FER1L6: variants seen among roughly 807,000 people sequenced by gnomAD.
FER1L6 encodes fer-1-like protein 6.
FER1L6 carries 177 observed loss-of-function variants against 219.2 expected under a neutral mutation model. The observed-to-expected ratio is 0.81, with a 90% CI of 0.71 to 0.91. The LOEUF is 0.91. Among genes scored for constraint, FER1L6 ranks in the 40% least tolerant of loss-of-function variants. FER1L6 has a pLI of 0.00. For missense variants in FER1L6, 2,153 were observed against 2,259.9 expected, an observed-to-expected ratio of 0.95 and a Z score of 0.96; for synonymous variants, 768 against 824.3, an observed-to-expected ratio of 0.93 and a Z score of 1.17.
rs560801509 is a variant in FER1L6, at chr8:123,982,976, T to G, written c.1410+2165T>G. ...CACAGAAGTCACACAATGACATATCTGCTATGTTCTGTTTGTTAGAAATGA... is the reference window on the plus strand; with the variant it reads ...CACAGAAGTCACACAATGACATATCGGCTATGTTCTGTTTGTTAGAAATGA... On this transcript the variant is annotated intron_variant, in intron 11 of 40. Transcript: ENST00000522917. Among the ~76,000 whole-genome samples, 55 of 152,326 alleles carry G rather than the reference T, an allele frequency of 3.6e-4. 1 individual carries two copies. The South Asian group carries it at 8.7e-3, about 24-fold the overall frequency.
chr8:124,097,936 T>G (rs1263207719), intron 37 of FER1L6, 53 bp downstream of exon 37: 1 of 970,920 alleles, frequency 1.0e-6, no homozygotes, highest in East Asian at 2.4e-5. Context: ...CTCACCTTTT[T>G]AAACCCTAAC....
intron 1 of FER1L6, among the ~76,000 whole-genome samples, chr8:123,884,768 G>T (rs1383292191): frequency 1.3e-5 from 2 of 152,150 alleles, no homozygotes; most frequent in East Asian, 1.9e-4. Context: ...TCCCTGCCCT[G>T]GCTGGCCTTG....
At chr8:124,081,328 C>T (rs1821541841) in intron 32 of FER1L6, among the ~76,000 whole-genome samples, 1 of 152,056 alleles carries the variant, frequency 6.6e-6, no homozygotes, top group African/African-American at 2.4e-5. Context: ...AATTTATCAT[C>T]ACAGAAAATC....
chr8:123,966,408 T>G, intron 5 of FER1L6, 118 bp downstream of exon 5: 1 of 1,318,346 alleles, frequency 7.6e-7, no homozygotes, highest in African/African-American at 1.5e-5. Flanking sequence ...TGGCCCCCAG[T>G]TAAGCCCATG....
rs1356290865 is a variant in FER1L6, at chr8:124,003,229, G to A, written c.1582G>A (p.Ala528Thr). ...HHGSKKSAES[A>T]EEDLLPLLHE... Reference sequence around the variant, plus strand: ...TGGGAGTAAGAAGTCAGCTGAATCAGCTGAAGAAGACCTCCTTCCACTGCT... The same window carrying A: ...TGGGAGTAAGAAGTCAGCTGAATCAACTGAAGAAGACCTCCTTCCACTGCT... Residue 528 changes from alanine (A) to threonine (T), a missense_variant, in exon 13 of 41, where the codon GCT becomes ACT. Ala to Thr is a moderately conservative substitution (Grantham distance 58). Transcript: ENST00000522917. 6.2e-7 allele frequency: 1 copy of A among 1,614,098 alleles called. No individual in the cohort carries two copies. Among genetic ancestry groups the A allele is most frequent in the African/African-American group, 1.3e-5 (1 of 75,016 alleles).
chr8:124,070,627 G>A, intron 30 of FER1L6, 29 bp downstream of exon 30: 1 of 1,541,810 alleles, frequency 6.5e-7, no homozygotes, highest in Non-Finnish European at 8.7e-7. Flanking sequence ...CCTTTTATTT[G>A]GCTCTCCCTG....
chr8:124,003,479 T>C, intron 13 of FER1L6, 132 bp downstream of exon 13: 1 of 651,024 alleles, frequency 1.5e-6, no homozygotes, highest in East Asian at 3.3e-5. Flanking sequence ...TTTTTTTTTT[T>C]TTGAGACGGA....
chr8:123,887,960 A>G (rs891092305), intron 1 of FER1L6, among the ~76,000 whole-genome samples: 7 of 152,286 alleles, frequency 4.6e-5, no homozygotes, highest in African/African-American at 1.4e-4. Flanking sequence ...CATTGCTCAT[A>G]AAACTCTTAG....
At position 124,082,335 on chromosome 8, in the gene FER1L6, T is replaced by A; in HGVS notation, c.4268T>A (p.Ile1423Asn). 6.2e-7 allele frequency: 1 copy of A among 1,613,966 alleles called. No homozygotes were observed. Among genetic ancestry groups the A allele is most frequent in the Non-Finnish European group, 8.5e-7 (1 of 1,179,880 alleles). Residue 1423 changes from isoleucine to asparagine, a missense_variant, in exon 33 of 41, where the codon ATC (isoleucine) becomes AAC (asparagine). Transcript: ENST00000522917. ...ATFPKESLLS[I>N]LIYDHDMIGT... is the part of the protein sequence containing the mutation. ...TTCCCAAAAGAGTCCCTGCTCTCCA[T>A]CCTGATCTATGACCATGACATGATT...
intron 5 of FER1L6, among the ~76,000 whole-genome samples, chr8:123,968,607 T>C (rs886403656): frequency 2.6e-5 from 4 of 152,146 alleles, no homozygotes; most frequent in African/African-American, 9.7e-5. Flanking sequence ...TGTAAGTGAA[T>C]TTTCCACATA....
intron 1 of FER1L6, among the ~76,000 whole-genome samples, chr8:123,881,688 G>T (rs1817113627): frequency 6.6e-6 from 1 of 152,164 alleles, no homozygotes; most frequent in Admixed American, 6.5e-5. Flanking sequence ...CTTAATAAGG[G>T]CCTTGACCTG....
intron 3 of FER1L6, among the ~76,000 whole-genome samples, chr8:123,963,875 A>G (rs966776731): frequency 2.4e-4 from 36 of 152,392 alleles, no homozygotes; most frequent in African/African-American, 6.5e-4. Context: ...GTGGCTTAAT[A>G]TAATAAGCAT....
intron 1 of FER1L6, among the ~76,000 whole-genome samples, chr8:123,918,245 G>C (rs934160597): frequency 6.6e-6 from 1 of 151,662 alleles, no homozygotes; most frequent in Non-Finnish European, 1.5e-5. Flanking sequence ...GGAGGTGGAG[G>C]TTGCAGGGAA....
At chr8:123,979,648 T>A (rs1344556565) in intron 10 of FER1L6, among the ~76,000 whole-genome samples, 1 of 152,232 alleles carries the variant, frequency 6.6e-6, no homozygotes, top group African/African-American at 2.4e-5. Flanking sequence ...TTTTAAATTC[T>A]ATGTTCAGAA....
At chr8:123,938,677 GC>G (rs1563695615) in intron 1 of FER1L6, among the ~76,000 whole-genome samples, 1 of 151,626 alleles carries the variant, frequency 6.6e-6, no homozygotes, top group Non-Finnish European at 1.5e-5. Context: ...CTCCTGAGTA[GC>G]TGGGACTACA....
At chr8:124,026,046 C>A (rs1356462760) in intron 18 of FER1L6, among the ~76,000 whole-genome samples, 1 of 151,972 alleles carries the variant, frequency 6.6e-6, no homozygotes, top group South Asian at 2.1e-4. Context: ...GGGTCCTGCA[C>A]CCTTCATCAA....
At chr8:124,004,997 CA>C (rs1358187234) in intron 13 of FER1L6, among the ~76,000 whole-genome samples, 1,479 of 119,890 alleles carry the variant, frequency 0.012, 3 homozygotes, top group African/African-American at 0.024. Flanking sequence ...GACTCTGTCT[CA>C]AAAAAAAAAA....
In FER1L6 at chr8:124,061,950, C is replaced by T. The variant is rs1018228842; in HGVS notation, c.3246C>T (p.Ile1082=). ...GRSTLVGTYT[I]NYLKQFLCKL... ...GTACCCTTGTGGGCACCTACACCAT[C>T]AACTACTTGAAGCAGTTTTTGTGTA... Residue 1082 remains isoleucine (I), a synonymous_variant, in exon 25 of 41, where the codon ATC becomes ATT. Coordinates refer to ENST00000522917, the MANE Select transcript of FER1L6 (RefSeq NM_001039112.2). 6.2e-7 allele frequency: 1 copy of T among 1,614,084 alleles called. No individual in the cohort carries two copies. Among genetic ancestry groups the T allele is most frequent in the Non-Finnish European group, 8.5e-7 (1 of 1,180,014 alleles).
chr8:123,865,134 G>A (rs1816810375), intron 1 of FER1L6, among the ~76,000 whole-genome samples: 1 of 149,106 alleles, frequency 6.7e-6, no homozygotes, highest in African/African-American at 2.6e-5. Context: ...GGTCTTTGAT[G>A]ATGGTGATGT....
Sources: allele counts gnomAD v4.1 joint callset (sites outside exome capture counted in the v4.1 genomes callset), GRCh38; gene constraint gnomAD v4.1.1; transcripts MANE v1.5; gene names NCBI Gene and HGNC (gene_info 2026-07-23, HGNC 2026-07-21).